Variants in C10orf90 observed in about 807,000 individuals in gnomAD.
The protein encoded by C10orf90 is (E2-independent) E3 ubiquitin-conjugating enzyme FATS.
Under a neutral mutation model 62.5 loss-of-function variants are expected in C10orf90, and 56 were observed. The ratio of observed to expected loss-of-function variants is 0.90; its 90% CI spans 0.72 to 1.12. C10orf90 has a LOEUF of 1.12. C10orf90 is among the 50% of genes most tolerant of loss of function. The probability of loss-of-function intolerance (pLI) is 0.00; values close to 1 mark genes in which losing one functional copy is unlikely to be tolerated. For synonymous variants in C10orf90, 386 were observed against 340.4 expected, an observed-to-expected ratio of 1.13 and a Z score of -1.47; for missense variants, 970 against 880.4, an observed-to-expected ratio of 1.10 and a Z score of -1.29.
intron 2 of C10orf90, among the ~76,000 whole-genome samples, chr10:126,628,814 C>T (rs569268217): frequency 3.3e-5 from 5 of 152,312 alleles, no homozygotes; most frequent in African/African-American, 9.6e-5. Context: ...CCACCACTCA[C>T]TCTCCATGTT....
Position 126,425,658 on chromosome 10 carries a change from G to A in C10orf90, c.*206C>T. On this transcript the variant is annotated 3_prime_UTR_variant, in exon 10 of 10. Coordinates refer to ENST00000488181, the MANE Select transcript of C10orf90 (RefSeq NM_001350921.2). ...ACATGGAGGTGGTTTCCCCACAACAGATTGTTGACCTATTTTCTCGAGGGT... is the reference window on the plus strand; with the variant it reads ...ACATGGAGGTGGTTTCCCCACAACAAATTGTTGACCTATTTTCTCGAGGGT... The A allele has an allele frequency of 1.7e-6, 1 of 600,324 alleles. No individual in the cohort carries two copies. Among genetic ancestry groups the A allele is most frequent in the Non-Finnish European group, 2.9e-6 (1 of 344,788 alleles). 37.2% of individuals were successfully genotyped at this position (600,324 alleles called of 1,614,324 possible). A position where few individuals can be genotyped will look rare whatever the true frequency, so the allele number is the denominator to read the frequency against.
intron 2 of C10orf90, among the ~76,000 whole-genome samples, chr10:126,563,259 C>T (rs78562878): frequency 1.0e-3 from 156 of 152,284 alleles, no homozygotes; most frequent in African/African-American, 3.6e-3. Context: ...GTCCACCGCA[C>T]GCCTGCCACC....
chr10:126,568,341 T>C (rs1248888236), intron 2 of C10orf90, among the ~76,000 whole-genome samples: 2 of 152,232 alleles, frequency 1.3e-5, no homozygotes, highest in East Asian at 1.9e-4. Flanking sequence ...TTCAATTCCT[T>C]GTGGTTGTAG....
chr10:126,634,201 T>C (rs1845904780), intron 2 of C10orf90, among the ~76,000 whole-genome samples: 1 of 152,222 alleles, frequency 6.6e-6, no homozygotes, highest in Non-Finnish European at 1.5e-5. Context: ...GTAGCACTCT[T>C]CACAGTATCC....
chr10:126,469,825 GGGTGTCTGTTGAACAC>G (rs976646856), intron 4 of C10orf90: 1 of 455,922 alleles, frequency 2.2e-6, no homozygotes, highest in Non-Finnish European at 4.4e-6. Context: ...TGGCAGGCTT[GGGTGTCTGTTGAACAC>G]CCACTCTGCA....
chr10:126,662,132 C>A (rs1846528298), intron 1 of C10orf90, among the ~76,000 whole-genome samples: 1 of 151,562 alleles, frequency 6.6e-6, no homozygotes, highest in African/African-American at 2.4e-5. Flanking sequence ...CCAGCTAAAC[C>A]ACTTGAGGAA....
chr10:126,543,120 G>T (rs1864415406), intron 2 of C10orf90, among the ~76,000 whole-genome samples: 1 of 152,124 alleles, frequency 6.6e-6, no homozygotes, highest in African/African-American at 2.4e-5. Context: ...ACTCCGTACA[G>T]CAATACAAAT....
intron 7 of C10orf90, among the ~76,000 whole-genome samples, chr10:126,449,108 C>A (rs1310741569): frequency 1.3e-5 from 2 of 152,074 alleles, no homozygotes; most frequent in African/African-American, 2.4e-5. Context: ...AGACCAATAC[C>A]CCTGATGAAC....
At chr10:126,443,045 T>C (rs1858501212) in intron 7 of C10orf90, among the ~76,000 whole-genome samples, 1 of 151,982 alleles carries the variant, frequency 6.6e-6, no homozygotes, top group Non-Finnish European at 1.5e-5. Flanking sequence ...CCTGAATGCC[T>C]ACATCAAAAA....
At chr10:126,662,761 ACC>A (rs1846543178) in intron 1 of C10orf90, among the ~76,000 whole-genome samples, 1 of 147,852 alleles carries the variant, frequency 6.8e-6, no homozygotes, top group Admixed American at 6.8e-5. Flanking sequence ...CTGTGTAGAC[ACC>A]CTGGCCTGGC....
chr10:126,518,568 A>G (rs1863566586), intron 2 of C10orf90, among the ~76,000 whole-genome samples: 1 of 152,138 alleles, frequency 6.6e-6, no homozygotes, highest in South Asian at 2.1e-4. Context: ...AACAAACATC[A>G]TGAGAGCCAG....
chr10:126,541,793 G>A (rs1012025315), intron 2 of C10orf90, among the ~76,000 whole-genome samples: 7 of 152,112 alleles, frequency 4.6e-5, no homozygotes, highest in Non-Finnish European at 1.0e-4. Context: ...CCCCAATAAG[G>A]ATACAAAGAA....
chr10:126,509,045 G>T (rs1292459537), intron 3 of C10orf90, among the ~76,000 whole-genome samples: 1 of 152,200 alleles, frequency 6.6e-6, no homozygotes, highest in Non-Finnish European at 1.5e-5. Context: ...CTGCAGGCCG[G>T]TACATCCCTC....
intron 8 of C10orf90, among the ~76,000 whole-genome samples, chr10:126,428,363 A>AT (rs1411814808): frequency 6.6e-6 from 1 of 152,172 alleles, no homozygotes; most frequent in African/African-American, 2.4e-5. Context: ...CATTGTTTGC[A>AT]TTTTTAACAT....
intron 4 of C10orf90, among the ~76,000 whole-genome samples, chr10:126,465,450 ATAT>A (rs1236643321): frequency 2.6e-5 from 4 of 151,596 alleles, no homozygotes; most frequent in African/African-American, 9.7e-5. Flanking sequence ...CAACATATCT[ATAT>A]TATTATATAA....
intron 2 of C10orf90, among the ~76,000 whole-genome samples, chr10:126,565,943 C>T (rs7083574): frequency 0.023 from 3,489 of 152,298 alleles, 62 homozygotes; most frequent in African/African-American, 0.052. Context: ...CGCTCCTCCA[C>T]GTCCCCTTAT....
chr10:126,496,226 AC>A (rs1862048068), intron 4 of C10orf90, among the ~76,000 whole-genome samples: 1 of 152,094 alleles, frequency 6.6e-6, no homozygotes, highest in African/African-American at 2.4e-5. Flanking sequence ...GTGTAGGGAC[AC>A]CCCCTATTCA....
intron 4 of C10orf90, among the ~76,000 whole-genome samples, chr10:126,489,571 C>T (rs1433123551): frequency 3.3e-5 from 5 of 152,040 alleles, no homozygotes; most frequent in Non-Finnish European, 7.4e-5. Flanking sequence ...AAACAGAGCA[C>T]GACGAGTGTT....
chr10:126,593,076 A>G (rs1845013829), intron 2 of C10orf90, among the ~76,000 whole-genome samples: 1 of 152,244 alleles, frequency 6.6e-6, no homozygotes, highest in African/African-American at 2.4e-5. Flanking sequence ...GAACACTTTT[A>G]TGCTGTTGGT....
Sources: allele counts gnomAD v4.1 joint callset (sites outside exome capture counted in the v4.1 genomes callset), GRCh38; gene constraint gnomAD v4.1.1; transcripts MANE v1.5; gene names NCBI Gene and HGNC (gene_info 2026-07-23, HGNC 2026-07-21).